ADAMTS18: variants seen among roughly 807,000 people sequenced by gnomAD.
ADAMTS18 encodes A disintegrin and metalloproteinase with thrombospondin motifs 18.
Under a neutral mutation model 165.9 loss-of-function variants are expected in ADAMTS18, and 157 were observed. The ratio of observed to expected loss-of-function variants is 0.95; its 90% CI spans 0.83 to 1.08. The LOEUF is 1.08. Ranked by LOEUF, ADAMTS18 falls within the 50% of genes least tolerant of loss-of-function variation. The pLI, the probability that ADAMTS18 is intolerant of heterozygous loss-of-function variation, is 0.00. For synonymous variants in ADAMTS18, 782 were observed against 578.2 expected (o/e 1.35, Z -5.06); for missense variants, 2,040 against 1,534.0 (o/e 1.33, Z -5.51).
At chr16:77,319,119 T>G (rs1228533144) in intron 16 of ADAMTS18, among the ~76,000 whole-genome samples, 2 of 152,202 alleles carry the variant, frequency 1.3e-5, no homozygotes, top group Non-Finnish European at 1.5e-5. Context: ...CATGGTAGTT[T>G]AGTATGATGA....
intron 3 of ADAMTS18, among the ~76,000 whole-genome samples, chr16:77,372,769 A>G (rs1049361039): frequency 1.5e-4 from 23 of 152,130 alleles, no homozygotes; most frequent in African/African-American, 4.3e-4. Flanking sequence ...TCTAGCACAC[A>G]TCATGCTGGT....
chr16:77,357,097 G>A (rs2056642887), intron 8 of ADAMTS18, among the ~76,000 whole-genome samples: 1 of 136,856 alleles, frequency 7.3e-6, no homozygotes, highest in African/African-American at 2.7e-5. Context: ...AATAAAACTT[G>A]TGTCTTAGAC....
At chr16:77,322,749 C>G (rs926743273) in intron 13 of ADAMTS18, among the ~76,000 whole-genome samples, 2 of 152,106 alleles carry the variant, frequency 1.3e-5, no homozygotes, top group Admixed American at 1.3e-4. Flanking sequence ...ATCCAGCCTC[C>G]CTGGATAGTA....
Position 77,367,501 on chromosome 16 carries a change from C to T in ADAMTS18, c.718G>A (p.Glu240Lys). The T allele has an allele frequency of 6.2e-7, 1 of 1,614,232 alleles. No individual in the cohort carries two copies. Among genetic ancestry groups the T allele is most frequent in the Non-Finnish European group, 8.5e-7 (1 of 1,180,036 alleles). The change falls in exon 4 of 23, where the codon GAG becomes AAG. Residue 240 changes from glutamate to lysine, a missense_variant. By Grantham distance (56) the Glu-to-Lys change is moderately conservative. Coordinates refer to ENST00000282849, the MANE Select transcript of ADAMTS18 (RefSeq NM_199355.4). ...AACCTTCGATGGTGATACTCTGTCT[C>T]TCGACTCTGAGATGCATGGGGAATG... ...SHIPHASQSR[E>K]TEYHHRRLQK...
chr16:77,406,039 C>G (rs534344180), intron 3 of ADAMTS18, among the ~76,000 whole-genome samples: 19 of 152,172 alleles, frequency 1.2e-4, no homozygotes, highest in Non-Finnish European at 2.6e-4. Context: ...GGTAGTCTAA[C>G]TTTGATACCC....
intron 3 of ADAMTS18, among the ~76,000 whole-genome samples, chr16:77,400,458 G>GTGTGTGTGTGTGTGTGTGTGTGTC (rs2057312941): frequency 2.2e-5 from 1 of 46,474 alleles, no homozygotes. Flanking sequence ...GTGTGTGTCT[G>GTGTGTGTGTGTGTGTGTGTGTGTC]TGTGTGTGTG....
chr16:77,413,057 A>C (rs548157963), intron 3 of ADAMTS18, among the ~76,000 whole-genome samples: 43 of 152,176 alleles, frequency 2.8e-4, no homozygotes, highest in African/African-American at 1.0e-3. Context: ...ATAAAAAAAA[A>C]CTTGTTGGTT....
intron 22 of ADAMTS18, among the ~76,000 whole-genome samples, chr16:77,288,560 C>G (rs887934257): frequency 1.3e-5 from 2 of 152,078 alleles, no homozygotes; most frequent in African/African-American, 4.8e-5. Flanking sequence ...TTCCCTTGAA[C>G]TAACTTTAAG....
At chr16:77,353,926 C>A (rs748888451) in intron 9 of ADAMTS18, 40 bp from the exon 10 acceptor site, 1 of 1,612,952 alleles carries the variant, frequency 6.2e-7, no homozygotes, top group African/African-American at 1.3e-5. Context: ...CTCTGTTGAT[C>A]TGTGATCTTT....
At chr16:77,391,004 C>T (rs952397844) in intron 3 of ADAMTS18, among the ~76,000 whole-genome samples, 2 of 152,132 alleles carry the variant, frequency 1.3e-5, no homozygotes, top group African/African-American at 4.8e-5. Flanking sequence ...CACCATCCTT[C>T]CATCTACTCT....
chr16:77,375,065 C>G (rs1490564324), intron 3 of ADAMTS18, among the ~76,000 whole-genome samples: 1 of 152,058 alleles, frequency 6.6e-6, no homozygotes, highest in Non-Finnish European at 1.5e-5. Context: ...CGAAAACAAG[C>G]AAAGTCTGGC....
chr16:77,389,947 A>G (rs2057163358), intron 3 of ADAMTS18, among the ~76,000 whole-genome samples: 1 of 152,222 alleles, frequency 6.6e-6, no homozygotes, highest in Non-Finnish European at 1.5e-5. Flanking sequence ...AAATAAAAAT[A>G]TTAGCAAAAC....
At chr16:77,299,268 T>C (rs569053267) in intron 17 of ADAMTS18, among the ~76,000 whole-genome samples, 4 of 152,226 alleles carry the variant, frequency 2.6e-5, no homozygotes, top group Non-Finnish European at 5.9e-5. Flanking sequence ...AATATTAACA[T>C]TGGCTATTGC....
chr16:77,372,031 C>T (rs779158344), intron 3 of ADAMTS18, among the ~76,000 whole-genome samples: 9 of 152,188 alleles, frequency 5.9e-5, no homozygotes, highest in Non-Finnish European at 8.8e-5. Context: ...AAATGCTCAA[C>T]ATCACTAATT....
Position 77,382,312 on chromosome 16 carries a change from G to A in ADAMTS18, c.496-14589C>T, listed in dbSNP as rs567399329. 2.1e-3 allele frequency among the ~76,000 whole-genome samples: 314 copies of A among 152,150 alleles called. 4 individuals are homozygous for A. The highest frequency in any genetic ancestry group is 2.3e-3 in the Non-Finnish European group (154 of 67,998). ...TGCAAGCTCCGCTGCCCTGGTTCAT[G>A]CCATTCTCCTGCCTCAGCCTCCTGA... On this transcript the variant is annotated intron_variant, in intron 3 of 22. Coordinates refer to ENST00000282849, the MANE Select transcript of ADAMTS18 (RefSeq NM_199355.4).
chr16:77,427,837 G>T (rs1387296130), intron 3 of ADAMTS18, among the ~76,000 whole-genome samples: 1 of 152,130 alleles, frequency 6.6e-6, no homozygotes, highest in Non-Finnish European at 1.5e-5. Context: ...TTTCAAACAG[G>T]TTAATTCTGA....
At chr16:77,310,638 C>T (rs201144500) in intron 16 of ADAMTS18, among the ~76,000 whole-genome samples, 4 of 149,472 alleles carry the variant, frequency 2.7e-5, no homozygotes, top group South Asian at 2.1e-4. Context: ...ACCTTTTTTT[C>T]TTTTTTTTTT....
intron 16 of ADAMTS18, among the ~76,000 whole-genome samples, chr16:77,308,387 T>G (rs926842012): frequency 6.6e-6 from 1 of 152,070 alleles, no homozygotes; most frequent in Non-Finnish European, 1.5e-5. Flanking sequence ...GACAGCTTGA[T>G]AGAGAATGTG....
intron 21 of ADAMTS18, among the ~76,000 whole-genome samples, chr16:77,290,243 C>G (rs375805517): frequency 6.6e-6 from 1 of 152,100 alleles, no homozygotes; most frequent in East Asian, 1.9e-4. Flanking sequence ...TATAGGCATA[C>G]GGCCTCTGTT....
Sources: allele counts gnomAD v4.1 joint callset (sites outside exome capture counted in the v4.1 genomes callset), GRCh38; gene constraint gnomAD v4.1.1; transcripts MANE v1.5; gene names NCBI Gene and HGNC (gene_info 2026-07-23, HGNC 2026-07-21).